The following ADAM23 variants were observed in gnomAD, a reference collection of about 807,000 sequenced individuals.
ADAM23 encodes the protein ADAM metallopeptidase domain 23, also known as disintegrin and metalloproteinase domain-containing protein 23.
A neutral mutation model predicts 120.1 loss-of-function variants in ADAM23; 33 were observed. The ratio of observed to expected loss-of-function variants is 0.27; its 90% CI spans 0.21 to 0.37. ADAM23 has a LOEUF of 0.37. ADAM23 is among the 10% of genes least tolerant of loss of function. The pLI, the probability that ADAM23 is intolerant of heterozygous loss-of-function variation, is 1.00. For synonymous variants in ADAM23, 367 were observed against 375.2 expected (o/e 0.98, Z 0.25); for missense variants, 862 against 1,058.2 (o/e 0.81, Z 2.57).
intron 3 of ADAM23, among the ~76,000 whole-genome samples, chr2:206,517,251 A>G (rs917628543): frequency 6.6e-6 from 1 of 152,096 alleles, no homozygotes; most frequent in Non-Finnish European, 1.5e-5. Flanking sequence ...GCCTTCACAG[A>G]TACTTATCTG....
At position 206,589,160 on chromosome 2, in the gene ADAM23, G is replaced by A. The variant is rs982116500; in HGVS notation, c.1853-249G>A. Among the ~76,000 whole-genome samples the A allele has an allele frequency of 5.3e-5, 8 of 152,136 alleles. No individual in the cohort carries two copies. In the East Asian group the frequency reaches 1.5e-3, roughly 29 times the overall value. ...AGGCTAAAAACAGTGTTGTTTTGGA[G>A]CTTTTTTGTATTAGCTTGCAAGAGC... On this transcript the variant is annotated intron_variant, in intron 20 of 25. Coordinates refer to ENST00000264377, the MANE Select transcript of ADAM23 (RefSeq NM_003812.4).
chr2:206,596,209 C>A, intron 24 of ADAM23, 47 bp downstream of exon 24: 1 of 1,417,252 alleles, frequency 7.1e-7, no homozygotes, highest in South Asian at 1.2e-5. Context: ...AATTCGTTGA[C>A]ACTGTTCCAA....
At chr2:206,615,542 T>C (rs1276153097) in intron 25 of ADAM23, among the ~76,000 whole-genome samples, 2 of 152,038 alleles carry the variant, frequency 1.3e-5, no homozygotes, top group African/African-American at 2.4e-5. Flanking sequence ...GCCACAGGAG[T>C]GTTCATCTCT....
chr2:206,459,911 A>G (rs1695379525), intron 2 of ADAM23, among the ~76,000 whole-genome samples: 1 of 152,102 alleles, frequency 6.6e-6, no homozygotes, highest in African/African-American at 2.4e-5. Flanking sequence ...TTTGCTGCCA[A>G]CCTGGTCTAA....
At chr2:206,477,889 A>ATATATATAT (rs371133867) in intron 2 of ADAM23, among the ~76,000 whole-genome samples, 61 of 54,480 alleles carry the variant, frequency 1.1e-3, no homozygotes, top group Admixed American at 1.5e-3. Context: ...TTAAAAAAAA[A>ATATATATAT]AAAAAAAAAT....
At chr2:206,517,494 T>C (rs1467153366) in intron 3 of ADAM23, among the ~76,000 whole-genome samples, 1 of 152,218 alleles carries the variant, frequency 6.6e-6, no homozygotes, top group Non-Finnish European at 1.5e-5. Flanking sequence ...TGTAGGCAGC[T>C]ATACCAAGAA....
rs547934590 is a variant in ADAM23 at position 206,516,270 on chromosome 2, T to TA, written c.510-14609dup. Among the ~76,000 whole-genome samples, 230 of 151,042 alleles carry TA rather than the reference T, an allele frequency of 1.5e-3. 1 individual carries two copies. Among genetic ancestry groups the TA allele is most frequent in the Admixed American group, 0.015 (222 of 15,124 alleles). On this transcript the variant is annotated intron_variant, in intron 3 of 25. Transcript: ENST00000264377. ...AAAGAAAGAAAAAGCCAAGTAGTGA[T>TA]AAAAAATAGTAACAATAGAATTTTC...
intron 3 of ADAM23, among the ~76,000 whole-genome samples, chr2:206,512,926 T>C (rs1331975487): frequency 6.6e-6 from 1 of 152,178 alleles, no homozygotes; most frequent in African/African-American, 2.4e-5. Flanking sequence ...TGATCTGTGA[T>C]CAGTGATGTT....
At chr2:206,585,686 G>A (rs184461138) in intron 18 of ADAM23, among the ~76,000 whole-genome samples, 9 of 152,286 alleles carry the variant, frequency 5.9e-5, no homozygotes, top group Admixed American at 1.3e-4. Flanking sequence ...TGGTGTTGTT[G>A]TAGGTACTAG....
In ADAM23 at chr2:206,617,745, C is replaced by A; in HGVS notation, c.*118C>A. 6.6e-7 allele frequency: 1 copy of A among 1,518,852 alleles called. No individual in the cohort carries two copies. Among genetic ancestry groups the A allele is most frequent in the Non-Finnish European group, 8.8e-7 (1 of 1,132,250 alleles). 94.1% of individuals were successfully genotyped at this position (1,518,852 alleles called of 1,614,324 possible). ...CAAAACCTTTGGGTGGTAATGACTA[C>A]GGAGCTAAAGTTGGGGTGACAAGGA... On this transcript the variant is annotated 3_prime_UTR_variant, in exon 26 of 26. Transcript: ENST00000264377.
intron 4 of ADAM23, among the ~76,000 whole-genome samples, chr2:206,539,979 A>C (rs1054833225): frequency 6.6e-6 from 1 of 152,180 alleles, no homozygotes; most frequent in Non-Finnish European, 1.5e-5. Flanking sequence ...GATAAACATC[A>C]GAGATTGGAT....
At chr2:206,545,384 G>T (rs1419283141) in intron 6 of ADAM23, among the ~76,000 whole-genome samples, 1 of 152,140 alleles carries the variant, frequency 6.6e-6, no homozygotes, top group Non-Finnish European at 1.5e-5. Context: ...TAGTGGGGAG[G>T]CTGAGGCAGA....
At chr2:206,526,783 C>G (rs1696955197) in intron 3 of ADAM23, among the ~76,000 whole-genome samples, 1 of 152,208 alleles carries the variant, frequency 6.6e-6, no homozygotes, top group Non-Finnish European at 1.5e-5. Flanking sequence ...CTTCATTGAC[C>G]TGATTCTTGG....
At chr2:206,605,577 T>C (rs1698712875) in intron 24 of ADAM23, among the ~76,000 whole-genome samples, 1 of 152,240 alleles carries the variant, frequency 6.6e-6, no homozygotes, top group Non-Finnish European at 1.5e-5. Flanking sequence ...AATTATGTTT[T>C]TTAAAAGTAG....
intron 12 of ADAM23, 56 bp from the exon 13 acceptor site, chr2:206,562,147 C>T: frequency 7.0e-7 from 1 of 1,422,018 alleles, no homozygotes; most frequent in East Asian, 2.3e-5. Flanking sequence ...GAAATAATAA[C>T]TAGCTTTGTG....
rs1185272652 is a variant in ADAM23, at chr2:206,443,715, A to AGCCCCGC, written c.-145_-139dup. ...GGAAAGGGGGCGCCGCCCAGCCCCGAGCCCCGCGCCCCGTGCCCCGAGCCC... is the reference window on the plus strand; with the variant it reads ...GGAAAGGGGGCGCCGCCCAGCCCCGAGCCCCGCGCCCCGCGCCCCGTGCCCCGAGCCC... On this transcript the variant is annotated 5_prime_UTR_variant, in exon 1 of 26. Transcript: ENST00000264377. 8 of 208,284 alleles carry AGCCCCGC rather than the reference A, an allele frequency of 3.8e-5. No individual in the cohort carries two copies. In the East Asian group the frequency reaches 5.6e-4, roughly 14 times the overall value. The allele number at this position is 208,284 out of a possible 1,614,324, so 12.9% of individuals were successfully genotyped here.
chr2:206,558,305 G>A (rs996744427), intron 10 of ADAM23, among the ~76,000 whole-genome samples: 10 of 151,806 alleles, frequency 6.6e-5, no homozygotes, highest in East Asian at 1.9e-4. Flanking sequence ...TATTTTTATC[G>A]GGTATTTTAT....
intron 16 of ADAM23, among the ~76,000 whole-genome samples, chr2:206,571,445 G>A (rs1963365): frequency 0.42 from 63,687 of 151,912 alleles, 13,664 homozygotes; most frequent in Non-Finnish European, 0.47. Context: ...ACTGCAGTCC[G>A]GCCTGTGTGA....
intron 2 of ADAM23, among the ~76,000 whole-genome samples, chr2:206,462,315 A>G (rs1414714355): frequency 6.6e-6 from 1 of 151,982 alleles, no homozygotes; most frequent in African/African-American, 2.4e-5. Context: ...AAAAGTGAAA[A>G]TTTCTCTCCC....
Sources: allele counts gnomAD v4.1 joint callset (sites outside exome capture counted in the v4.1 genomes callset), GRCh38; gene constraint gnomAD v4.1.1; transcripts MANE v1.5; gene names NCBI Gene and HGNC (gene_info 2026-07-23, HGNC 2026-07-21).